Variants in AIG1 observed in about 807,000 individuals in gnomAD.
AIG1 encodes the protein androgen-induced gene 1 protein.
Under a neutral mutation model 31.4 loss-of-function variants are expected in AIG1, and 23 were observed. The ratio of observed to expected loss-of-function variants is 0.73; its 90% CI spans 0.53 to 1.04. The LOEUF (loss-of-function observed/expected upper bound fraction) is 1.04. Ranked by LOEUF, AIG1 falls within the 50% of genes least tolerant of loss-of-function variation. AIG1 has a pLI of 0.00. For synonymous variants in AIG1, 100 were observed against 110.5 expected (o/e 0.90, Z 0.60); for missense variants, 274 against 295.0 (o/e 0.93, Z 0.52).
At chr6:143,306,994 G>T (rs904390506) in intron 4 of AIG1, among the ~76,000 whole-genome samples, 1 of 151,754 alleles carries the variant, frequency 6.6e-6, no homozygotes, top group African/African-American at 2.4e-5. Context: ...TGATCACATC[G>T]GCTCCTGAGG....
intron 1 of AIG1, among the ~76,000 whole-genome samples, chr6:143,068,513 G>T (rs1776936901): frequency 6.6e-6 from 1 of 152,196 alleles, no homozygotes; most frequent in African/African-American, 2.4e-5. Context: ...TAAGACAGAA[G>T]CATGGAATTC....
intron 3 of AIG1, among the ~76,000 whole-genome samples, chr6:143,283,579 T>C (rs1025468878): frequency 6.6e-6 from 1 of 152,230 alleles, no homozygotes; most frequent in Non-Finnish European, 1.5e-5. Flanking sequence ...AGAACAAGAA[T>C]TGGTTAAATA....
In AIG1 at chr6:143,241,877, G is replaced by A. The variant is rs78654627; in HGVS notation, c.400-42233G>A. Among the ~76,000 whole-genome samples, 369 of 152,292 alleles carry A rather than the reference G, an allele frequency of 2.4e-3. 1 individual carries two copies. Among genetic ancestry groups the A allele is most frequent in the African/African-American group, 8.3e-3 (345 of 41,560 alleles). On this transcript the variant is annotated intron_variant, in intron 3 of 5. Transcript: ENST00000357847. ...TGCACAAAATTGTTTAAAATATCAT[G>A]TAAAGTTACCTTCAGGCTGTGTGTA...
At chr6:143,091,917 A>C (rs1351956209) in intron 1 of AIG1, among the ~76,000 whole-genome samples, 1 of 152,168 alleles carries the variant, frequency 6.6e-6, no homozygotes, top group Non-Finnish European at 1.5e-5. Context: ...GATAGTCATA[A>C]AATTAGGTGA....
intron 3 of AIG1, among the ~76,000 whole-genome samples, chr6:143,239,540 G>A (rs1794073079): frequency 1.3e-5 from 2 of 152,174 alleles, no homozygotes. Context: ...ATGTAGGAAG[G>A]ACCATGTGTT....
chr6:143,319,626 A>C (rs1425221568), intron 4 of AIG1, among the ~76,000 whole-genome samples: 1 of 152,216 alleles, frequency 6.6e-6, no homozygotes, highest in Non-Finnish European at 1.5e-5. Context: ...TATTGAAATG[A>C]AACATAATAA....
chr6:143,243,428 GC>G (rs1353600203), intron 3 of AIG1, among the ~76,000 whole-genome samples: 1 of 152,198 alleles, frequency 6.6e-6, no homozygotes, highest in African/African-American at 2.4e-5. Context: ...CTTGGAATTA[GC>G]AAGGTGCTTC....
At chr6:143,269,380 G>A (rs548276665) in intron 3 of AIG1, among the ~76,000 whole-genome samples, 3 of 152,292 alleles carry the variant, frequency 2.0e-5, no homozygotes, top group Admixed American at 2.0e-4. Flanking sequence ...GGGTCTATTG[G>A]TACAATCATT....
chr6:143,059,431 T>C (rs1443868711), upstream of AIG1, among the ~76,000 whole-genome samples: 1 of 152,160 alleles, frequency 6.6e-6, no homozygotes, highest in African/African-American at 2.4e-5. Flanking sequence ...CTTCAATAGA[T>C]CTACTCTTTT....
chr6:143,234,511 A>G (rs1793672328), intron 3 of AIG1, among the ~76,000 whole-genome samples: 1 of 152,210 alleles, frequency 6.6e-6, no homozygotes, highest in Non-Finnish European at 1.5e-5. Context: ...CTTTGCTTCA[A>G]AAGAGAAGAA....
intron 2 of AIG1, among the ~76,000 whole-genome samples, chr6:143,143,528 A>AAAATATATATAT (rs1554249782): frequency 7.2e-5 from 2 of 27,792 alleles, no homozygotes; most frequent in Non-Finnish European, 1.6e-4. Context: ...AAAAAAAAAA[A>AAAATATATATAT]ATATATATAT....
At chr6:143,135,789 C>CA (rs1022056294) in intron 1 of AIG1, among the ~76,000 whole-genome samples, 6 of 152,136 alleles carry the variant, frequency 3.9e-5, no homozygotes, top group Admixed American at 2.0e-4. Flanking sequence ...GGAAATTTAC[C>CA]AAAAAAGGTC....
chr6:143,105,807 T>G (rs996462113), intron 1 of AIG1, among the ~76,000 whole-genome samples: 3 of 152,228 alleles, frequency 2.0e-5, no homozygotes, highest in Admixed American at 2.0e-4. Context: ...GTTTTAGCTG[T>G]GCAGGCAGCC....
rs60284513 is a variant in AIG1 at position 143,298,329 on chromosome 6, C to A, written c.515+14104C>A. Among the ~76,000 whole-genome samples, 1 of 152,132 alleles carries A rather than the reference C, an allele frequency of 6.6e-6. No homozygotes were observed. The highest frequency in any genetic ancestry group is 2.4e-5 in the African/African-American group (1 of 41,420). On this transcript the variant is annotated intron_variant, in intron 4 of 5. Transcript: ENST00000357847. The surrounding 1 kb of genome is among the most constrained non-coding windows in gnomAD (Gnocchi z 5.1). ...CAAGTGCCTTCTATAAACATGTTCC[C>A]CTTATTCTCCCTTTGCCACACAAAG...
At chr6:143,202,239 G>A (rs908928830) in intron 3 of AIG1, among the ~76,000 whole-genome samples, 3 of 152,136 alleles carry the variant, frequency 2.0e-5, no homozygotes, top group African/African-American at 7.2e-5. Flanking sequence ...ACCAAATCAA[G>A]TGTAGTTATA....
At chr6:143,267,666 C>T (rs17072414) in intron 3 of AIG1, among the ~76,000 whole-genome samples, 16,218 of 152,186 alleles carry the variant, frequency 0.11, 904 homozygotes, top group African/African-American at 0.13. Context: ...TACCAGATAT[C>T]ATAGACTTAT....
chr6:143,332,108 GT>G (rs1777132813), intron 4 of AIG1, among the ~76,000 whole-genome samples: 1 of 152,032 alleles, frequency 6.6e-6, no homozygotes, highest in East Asian at 1.9e-4. Context: ...CTGACCTCAG[GT>G]GACCCACCCT....
intron 3 of AIG1, among the ~76,000 whole-genome samples, chr6:143,235,833 G>A (rs2128634898): frequency 6.6e-6 from 1 of 152,304 alleles, no homozygotes; most frequent in Non-Finnish European, 1.5e-5. Flanking sequence ...ACTAAAAAGT[G>A]TGATCTACTG....
intron 3 of AIG1, among the ~76,000 whole-genome samples, chr6:143,222,771 G>C (rs1401414592): frequency 2.0e-5 from 3 of 151,996 alleles, no homozygotes; most frequent in Non-Finnish European, 4.4e-5. Context: ...GGTTCATTCA[G>C]CCTTTTCTTA....
Sources: gnomAD v4.1 joint callset for allele counts (sites outside exome capture counted in the v4.1 genomes callset) on GRCh38, gnomAD v4.1.1 for gene constraint, Gnocchi (gnomAD v3.1) non-coding constraint, MANE v1.5 for transcripts, NCBI Gene and HGNC (gene_info 2026-07-23, HGNC 2026-07-21) for gene names.